Variants in PARVB observed in about 807,000 individuals in gnomAD.
PARVB encodes the protein beta-parvin.
In PARVB, 46 loss-of-function variants were observed where a neutral mutation model predicts 47.0. The ratio of observed to expected loss-of-function variants is 0.98; its 90% CI spans 0.77 to 1.25. PARVB has a LOEUF of 1.25. Among genes scored for constraint, PARVB ranks in the 50% most tolerant of loss-of-function variants. The pLI, the probability that PARVB is intolerant of heterozygous loss-of-function variation, is 0.00. For synonymous variants in PARVB, 196 were observed against 196.3 expected (o/e 1.00, Z 0.01); for missense variants, 473 against 471.6 (o/e 1.00, Z -0.03).
At chr22:44,153,199 C>T (rs1412915928) in intron 10 of PARVB, 1 of 152,222 alleles carries the variant, frequency 6.6e-6, no homozygotes, top group African/African-American at 2.4e-5. Flanking sequence ...GTTAGCACCC[C>T]AGAAGCCACT....
rs1050878554 is a variant in PARVB, at chr22:44,172,612, C to A, written c.*3934C>A. On this transcript the variant is annotated 3_prime_UTR_variant, in exon 13 of 13. Transcript: ENST00000338758. The stretch of plus-strand genomic sequence containing the variant: ...CACCGAGCCCAGAGTCCCGCTGGGC[C>A]GTGGTGTCCTAATTGTCTTGGTGAC... 1 of 221,434 alleles carries A rather than the reference C, an allele frequency of 4.5e-6. No homozygotes were observed. The highest frequency in any genetic ancestry group is 9.2e-6 in the Non-Finnish European group (1 of 108,294). 13.7% of individuals were successfully genotyped at this position (221,434 alleles called of 1,614,324 possible).
At chr22:44,062,012 A>G (rs891498045) in intron 1 of PARVB, among the ~76,000 whole-genome samples, 1 of 152,200 alleles carries the variant, frequency 6.6e-6, no homozygotes, top group Non-Finnish European at 1.5e-5. Context: ...ACATTTACAC[A>G]TACAGAATCC....
intron 12 of PARVB, among the ~76,000 whole-genome samples, chr22:44,166,543 C>A (rs1269785457): frequency 6.6e-6 from 1 of 152,234 alleles, no homozygotes; most frequent in Non-Finnish European, 1.5e-5. Context: ...CTGGACGGCA[C>A]GTTAGGGAAC....
chr22:44,132,528 GATA>G (rs931690284), intron 5 of PARVB, among the ~76,000 whole-genome samples: 13 of 152,198 alleles, frequency 8.5e-5, no homozygotes, highest in African/African-American at 3.1e-4. Flanking sequence ...TAGTGCCAGA[GATA>G]ATAACGCACA....
intron 2 of PARVB, among the ~76,000 whole-genome samples, chr22:44,009,690 A>G (rs2050502261): frequency 6.6e-6 from 1 of 151,332 alleles, no homozygotes; most frequent in East Asian, 1.9e-4. Flanking sequence ...TTGTTAATAT[A>G]TAAACCATTA....
chr22:44,080,835 A>G (rs2051883765), intron 1 of PARVB, among the ~76,000 whole-genome samples: 1 of 152,234 alleles, frequency 6.6e-6, no homozygotes, highest in Non-Finnish European at 1.5e-5. Context: ...TCCAGGCGTC[A>G]TGTTGGGAGC....
chr22:44,133,775 G>A (rs140922009), intron 6 of PARVB, among the ~76,000 whole-genome samples: 9 of 152,308 alleles, frequency 5.9e-5, no homozygotes, highest in East Asian at 3.9e-4. Flanking sequence ...GGGCTCAAGC[G>A]ATCCTCCCAT....
At chr22:44,137,846 T>C (rs931692656) in intron 7 of PARVB, among the ~76,000 whole-genome samples, 4 of 152,134 alleles carry the variant, frequency 2.6e-5, no homozygotes, top group Non-Finnish European at 5.9e-5. Context: ...ATGTCCTCAA[T>C]TCTGTGAGTC....
At chr22:44,071,000 G>T (rs540469490) in intron 1 of PARVB, among the ~76,000 whole-genome samples, 4 of 146,778 alleles carry the variant, frequency 2.7e-5, no homozygotes, top group Non-Finnish European at 4.5e-5. Flanking sequence ...GCCCCTGCCC[G>T]CCCGCCTTGG....
intron 1 of PARVB, among the ~76,000 whole-genome samples, chr22:44,029,249 T>C (rs1218210145): frequency 6.6e-6 from 1 of 152,190 alleles, no homozygotes; most frequent in Non-Finnish European, 1.5e-5. Flanking sequence ...CCTCCCAAAG[T>C]GCTAGGATTA....
At chr22:44,091,943 G>A (rs958455038) in intron 1 of PARVB, among the ~76,000 whole-genome samples, 2 of 152,130 alleles carry the variant, frequency 1.3e-5, no homozygotes, top group Non-Finnish European at 2.9e-5. Context: ...AGGGAGGGAG[G>A]TTGTGTTGTC....
intron 11 of PARVB, among the ~76,000 whole-genome samples, chr22:44,158,686 T>G (rs1488519784): frequency 1.3e-5 from 2 of 152,252 alleles, no homozygotes; most frequent in African/African-American, 4.8e-5. Context: ...GGTCCCGCTG[T>G]CACTGCCCTC....
At chr22:44,034,163 G>T (rs1471238929) in intron 1 of PARVB, among the ~76,000 whole-genome samples, 1 of 149,946 alleles carries the variant, frequency 6.7e-6, no homozygotes, top group Non-Finnish European at 1.5e-5. Flanking sequence ...TCATTGCATT[G>T]TGTCTGCATT....
chr22:44,027,190 C>T (rs958524549), intron 1 of PARVB, among the ~76,000 whole-genome samples: 3 of 152,040 alleles, frequency 2.0e-5, no homozygotes, highest in Non-Finnish European at 2.9e-5. Flanking sequence ...GAAAGGACAG[C>T]GTGTTTCAAA....
chr22:43,999,467 T>TC, intron 1 of PARVB: 1 of 1,566,202 alleles, frequency 6.4e-7, no homozygotes. Flanking sequence ...TACTCAGAAG[T>TC]CCAAATTTCT....
rs1266040585 is a variant in PARVB, at chr22:44,049,496, CT to C, written c.112+25046del. Among the ~76,000 whole-genome samples, 4 of 152,310 alleles carry C rather than the reference CT, an allele frequency of 2.6e-5. No homozygotes were observed. The highest frequency in any genetic ancestry group is 9.6e-5 in the African/African-American group (4 of 41,572). On this transcript the variant is annotated intron_variant, in intron 1 of 12. Coordinates refer to ENST00000338758, the MANE Select transcript of PARVB (RefSeq NM_013327.5). This position sits in a 1 kb window ranked among gnomAD's most constrained non-coding sequence, Gnocchi z 4.0. ...CTCTTTTTCACGGGCATAAAAATAT[CT>C]GCGGAGTGAAAATGTGTGCAGAGGA... is the stretch of plus-strand genomic sequence containing the variant.
intron 1 of PARVB, among the ~76,000 whole-genome samples, chr22:44,090,240 G>A (rs2052132966): frequency 6.6e-6 from 1 of 152,324 alleles, no homozygotes; most frequent in Admixed American, 6.5e-5. Context: ...GATTTGGACT[G>A]GGGCTCTGTG....
rs1019173522 is a variant in PARVB at position 44,094,952 on chromosome 22, C to T, written c.202+935C>T. On this transcript the variant is annotated intron_variant, in intron 2 of 12. Transcript: ENST00000338758. ...TCTTCTTCCACACCACGTGGCGTGG[C>T]GTGGTATGGTGTGGCGTGGCGTGGC... 7.3e-5 allele frequency among the ~76,000 whole-genome samples: 11 copies of T among 151,400 alleles called. 1 individual carries two copies. The Admixed American group carries it at 7.3e-4, about 10-fold the overall frequency.
At chr22:44,075,040 C>A (rs148864115) in intron 1 of PARVB, among the ~76,000 whole-genome samples, 1 of 152,196 alleles carries the variant, frequency 6.6e-6, no homozygotes, top group Admixed American at 6.5e-5. Context: ...CCTCTACACA[C>A]GAGGTGTCAG....
Sources: gnomAD v4.1 joint callset for allele counts (sites outside exome capture counted in the v4.1 genomes callset) on GRCh38, gnomAD v4.1.1 for gene constraint, Gnocchi (gnomAD v3.1) non-coding constraint, MANE v1.5 for transcripts, NCBI Gene and HGNC (gene_info 2026-07-23, HGNC 2026-07-21) for gene names.